Variants in CHAF1B observed in about 807,000 individuals in gnomAD.
The protein encoded by CHAF1B is chromatin assembly factor 1 subunit B, also known as CAF-1 subunit B.
CHAF1B carries 10 observed loss-of-function variants against 60.7 expected under a neutral mutation model. The ratio of observed to expected loss-of-function variants is 0.16; its 90% CI spans 0.10 to 0.28. The LOEUF is 0.28. CHAF1B is among the 10% of genes least tolerant of loss of function. The pLI is 1.00. For synonymous variants in CHAF1B, 261 were observed against 266.1 expected (o/e 0.98, Z 0.19); for missense variants, 558 against 708.4 (o/e 0.79, Z 2.41).
chr21:36,388,663 C>T (rs528436854), intron 3 of CHAF1B, among the ~76,000 whole-genome samples: 4 of 152,104 alleles, frequency 2.6e-5, no homozygotes, highest in East Asian at 1.9e-4. Context: ...GATGGGGTTT[C>T]GCCTTGTCAG....
intron 8 of CHAF1B, among the ~76,000 whole-genome samples, chr21:36,406,095 A>G (rs991376601): frequency 2.0e-5 from 3 of 152,210 alleles, no homozygotes; most frequent in African/African-American, 7.2e-5. Context: ...CACAGAATCC[A>G]GAAAAAGATC....
At chr21:36,406,316 A>G (rs897503844) in intron 8 of CHAF1B, among the ~76,000 whole-genome samples, 3 of 152,008 alleles carry the variant, frequency 2.0e-5, no homozygotes, top group African/African-American at 7.3e-5. Context: ...AGAGGGTTTC[A>G]CCCTTGTCGC....
In CHAF1B at chr21:36,409,411, C is replaced by T. The variant is rs2086260654; in HGVS notation, c.865C>T (p.Leu289Phe). 1.4e-5 allele frequency: 22 copies of T among 1,613,896 alleles called. No individual in the cohort carries two copies. The highest frequency in any genetic ancestry group is 1.8e-5 in the Non-Finnish European group (21 of 1,179,920). ...TCTTCCATGTCCTGGAAAAGCCACT[C>T]TTGCTGTTCGCTGCTGTCCGGTCTA... is the stretch of plus-strand genomic sequence containing the variant. ...AHLPCPGKAT[L>F]AVRCCPVYFE... The change falls in exon 10 of 14, where the codon CTT becomes TTT. Residue 289 changes from leucine to phenylalanine, a missense_variant. Physicochemically the swap from Leu to Phe is conservative, Grantham distance 22. This residue lies in a region of CHAF1B where 325 missense variants were observed against 493.5 expected (regional missense o/e 0.66). Transcript: ENST00000314103.
chr21:36,413,403 AG>A, intron 12 of CHAF1B, 88 bp downstream of exon 12: 1 of 1,306,652 alleles, frequency 7.7e-7, no homozygotes, highest in East Asian at 2.4e-5. Flanking sequence ...GTGAAATTTC[AG>A]GCGGTGAATG....
chr21:36,409,158 A>AT (rs1163222508), intron 9 of CHAF1B, among the ~76,000 whole-genome samples: 10,538 of 94,644 alleles, frequency 0.11, 1,072 homozygotes, highest in African/African-American at 0.27. Context: ...CCCGGCTTGT[A>AT]TTTTTTTTTT....
chr21:36,391,677 G>A lies in CHAF1B; in HGVS notation c.377+9G>A, dbSNP rs568896091. 1.1e-5 allele frequency: 17 copies of A among 1,542,390 alleles called. No individual in the cohort carries two copies. The African/African-American group carries it at 1.9e-4, about 17-fold the overall frequency. On this transcript the variant is annotated intron_variant, in intron 4 of 13. Coordinates refer to ENST00000314103, the MANE Select transcript of CHAF1B (RefSeq NM_005441.3). ...GTTGTGAAGACTCTGCGGTAACTTG[G>A]GAGGGACCATGGCAGTGATCTCTGT...
chr21:36,389,554 A>G (rs973147346), intron 3 of CHAF1B, among the ~76,000 whole-genome samples: 14 of 151,540 alleles, frequency 9.2e-5, no homozygotes, highest in African/African-American at 3.4e-4. Flanking sequence ...GCACTGAGCC[A>G]AGATTGGGCC....
Position 36,387,749 on chromosome 21 carries a change from C to T in CHAF1B, c.259+19C>T, listed in dbSNP as rs1160938089. The stretch of plus-strand genomic sequence containing the variant: ...GGAGATGGTGAGTATTGCTGTCCTT[C>T]AGAGATTCTTCGGGAACCAGATAGA... On this transcript the variant is annotated intron_variant, in intron 3 of 13. Coordinates refer to ENST00000314103, the MANE Select transcript of CHAF1B (RefSeq NM_005441.3). The T allele has an allele frequency of 5.0e-6, 8 of 1,612,346 alleles. No individual in the cohort carries two copies. The highest frequency in any genetic ancestry group is 6.8e-6 in the Non-Finnish European group (8 of 1,179,260).
At chr21:36,401,416 A>G (rs1206312446) in intron 7 of CHAF1B, among the ~76,000 whole-genome samples, 2 of 107,376 alleles carry the variant, frequency 1.9e-5, no homozygotes, top group Non-Finnish European at 3.4e-5. Flanking sequence ...TTTTTATATT[A>G]TACATAATAT....
intron 4 of CHAF1B, 53 bp downstream of exon 4, chr21:36,391,721 A>T: frequency 8.7e-7 from 1 of 1,143,044 alleles, no homozygotes; most frequent in South Asian, 1.2e-5. Flanking sequence ...AGTGCATTAA[A>T]TGGAATATAC....
intron 7 of CHAF1B, among the ~76,000 whole-genome samples, chr21:36,400,206 A>G (rs1409221033): frequency 2.0e-5 from 3 of 151,506 alleles, no homozygotes; most frequent in Admixed American, 1.3e-4. Context: ...AAGGCTGGGC[A>G]TGATGGCTCA....
intron 2 of CHAF1B, 108 bp downstream of exon 2, chr21:36,386,370 C>A: frequency 7.2e-7 from 1 of 1,393,824 alleles, no homozygotes; most frequent in Non-Finnish European, 9.7e-7. Context: ...CGCCTGTAAT[C>A]CCAGTGCTTT....
At chr21:36,393,044 C>T (rs1016038263) in intron 4 of CHAF1B, among the ~76,000 whole-genome samples, 3 of 152,186 alleles carry the variant, frequency 2.0e-5, no homozygotes, top group Non-Finnish European at 4.4e-5. Flanking sequence ...ACCCCATCTC[C>T]ACCAAAAAAA....
At chr21:36,413,342 A>ATT in intron 12 of CHAF1B, 27 bp downstream of exon 12, 1 of 1,524,392 alleles carries the variant, frequency 6.6e-7, no homozygotes, top group Non-Finnish European at 8.8e-7. Context: ...ACAAGATGTC[A>ATT]TTGCAAAATG....
chr21:36,412,673 A>G, intron 11 of CHAF1B: 1 of 570,514 alleles, frequency 1.8e-6, no homozygotes, highest in Middle Eastern at 4.7e-4. Flanking sequence ...ATTCAAGTGA[A>G]AATTGCTAGT....
chr21:36,386,289 G>A (rs972346102), intron 2 of CHAF1B, 27 bp downstream of exon 2: 18 of 1,610,094 alleles, frequency 1.1e-5, no homozygotes, highest in African/African-American at 2.7e-5. Context: ...ATAGACATCC[G>A]GGAACACTGC....
chr21:36,415,444 T>C, intron 13 of CHAF1B, 55 bp downstream of exon 13: 2 of 1,207,812 alleles, frequency 1.7e-6, no homozygotes, highest in South Asian at 2.5e-5. Flanking sequence ...TCTTTTCTTT[T>C]GTTCTTTTGG....
Position 36,385,417 on chromosome 21 carries a change from G to C in CHAF1B, c.-112G>C, listed in dbSNP as rs994431246. ...GGGAAGCGGCGCGCGCTGCGCGGGA[G>C]GTGACGGTGCCTCTGACTGTCCGGG... On this transcript the variant is annotated 5_prime_UTR_variant, in exon 1 of 14. Coordinates refer to ENST00000314103, the MANE Select transcript of CHAF1B (RefSeq NM_005441.3). The C allele has an allele frequency of 6.6e-6, 1 of 152,142 alleles. No individual in the cohort carries two copies. Among genetic ancestry groups the C allele is most frequent in the Non-Finnish European group, 1.5e-5 (1 of 68,070 alleles). 9.4% of individuals were successfully genotyped at this position (152,142 alleles called of 1,614,324 possible).
At chr21:36,385,607 G>T (rs1237962318) in intron 1 of CHAF1B, among the ~76,000 whole-genome samples, 156 bp downstream of exon 1, 2 of 151,732 alleles carry the variant, frequency 1.3e-5, no homozygotes, top group South Asian at 2.1e-4. Flanking sequence ...GCCCCGCGCG[G>T]CCTCCTCCCG....
Sources: gnomAD v4.1 joint callset for allele counts (sites outside exome capture counted in the v4.1 genomes callset) on GRCh38, gnomAD v4.1.1 for gene constraint, gnomAD v4.1.1 regional missense constraint, MANE v1.5 for transcripts, NCBI Gene and HGNC (gene_info 2026-07-23, HGNC 2026-07-21) for gene names.